Variants in NT5DC3 observed in about 807,000 individuals in gnomAD.
NT5DC3 encodes the protein 5'-nucleotidase domain-containing protein 3.
In NT5DC3, 42 loss-of-function variants were observed where a neutral mutation model predicts 67.8. That is an observed-to-expected ratio of 0.62 (90% CI 0.48 to 0.80). NT5DC3 has a LOEUF of 0.80. NT5DC3 is among the 30% of genes least tolerant of loss of function. The probability of loss-of-function intolerance (pLI) is 0.00; values close to 1 mark genes in which losing one functional copy is unlikely to be tolerated. For missense variants in NT5DC3, 570 were observed against 696.4 expected (o/e 0.82, Z 2.04); for synonymous variants, 237 against 255.6 (o/e 0.93, Z 0.69).
the NT5DC3 span, chr12:103,762,153 C>A: frequency 7.3e-7 from 1 of 1,361,968 alleles, no homozygotes; most frequent in Non-Finnish European, 1.0e-6. Flanking sequence ...GGGCCAGATA[C>A]ATGTTAACAT....
the NT5DC3 span, chr12:103,749,048 C>G: frequency 1.9e-6 from 3 of 1,613,972 alleles, no homozygotes; most frequent in Admixed American, 1.7e-5. Context: ...CCTGCAGCTG[C>G]CAGAAGGGAT....
rs1046749213 is a variant in NT5DC3, at chr12:103,773,589, A to G, written c.*4240T>C. ...CTGGTACAAAAGAAAGTCGATATTA[A>G]GAAGGCAAAATGTAGGTTCTCTATT... On this transcript the variant is annotated 3_prime_UTR_variant, in exon 14 of 14. Transcript: ENST00000392876. 1 of 152,270 alleles carries G rather than the reference A, an allele frequency of 6.6e-6. No individual in the cohort carries two copies. Among genetic ancestry groups the G allele is most frequent in the Non-Finnish European group, 1.5e-5 (1 of 68,052 alleles). 9.4% of individuals were successfully genotyped at this position (152,270 alleles called of 1,614,324 possible).
At chr12:103,790,840 C>T (rs577016636) in intron 9 of NT5DC3, among the ~76,000 whole-genome samples, 1 of 151,772 alleles carries the variant, frequency 6.6e-6, no homozygotes, top group East Asian at 2.0e-4. Flanking sequence ...CAAGCGCCCA[C>T]CACCATGCCG....
the NT5DC3 span, chr12:103,758,093 C>A: frequency 6.3e-7 from 1 of 1,593,068 alleles, no homozygotes; most frequent in African/African-American, 1.3e-5. Context: ...ATGGGTGATG[C>A]CCTGGGACCT....
chr12:103,785,679 G>A (rs775710807), intron 11 of NT5DC3: 4 of 595,980 alleles, frequency 6.7e-6, no homozygotes, highest in South Asian at 3.0e-5. Context: ...GAAAGTTTCA[G>A]TTCTGGAAAT....
intron 10 of NT5DC3, among the ~76,000 whole-genome samples, chr12:103,788,044 G>GT (rs1196964515): frequency 6.6e-6 from 1 of 152,118 alleles, no homozygotes; most frequent in Non-Finnish European, 1.5e-5. Flanking sequence ...CACCAAGAAT[G>GT]TATTCATATT....
intron 4 of NT5DC3, 62 bp downstream of exon 4, chr12:103,806,260 T>G: frequency 1.0e-6 from 1 of 989,090 alleles, no homozygotes; most frequent in South Asian, 1.3e-5. Flanking sequence ...AGTCAGAGGG[T>G]CCTGAAACCC....
At chr12:103,746,504 G>T in the NT5DC3 span, 1 of 1,163,408 alleles carries the variant, frequency 8.6e-7, no homozygotes, top group South Asian at 1.3e-5. Flanking sequence ...TGAACACAGT[G>T]GTCGTCCAGA....
intron 9 of NT5DC3, among the ~76,000 whole-genome samples, chr12:103,789,950 ATCTT>A (rs1216003491): frequency 6.6e-6 from 1 of 152,212 alleles, no homozygotes; most frequent in Non-Finnish European, 1.5e-5. Context: ...TATGAAATTT[ATCTT>A]TCTTTCATGA....
chr12:103,808,145 T>C (rs909956004), intron 2 of NT5DC3, among the ~76,000 whole-genome samples: 3 of 152,170 alleles, frequency 2.0e-5, no homozygotes, highest in Non-Finnish European at 4.4e-5. Flanking sequence ...AGCTACCCTG[T>C]GGATGGCACT....
chr12:103,833,393 T>C (rs1888011753), intron 1 of NT5DC3, among the ~76,000 whole-genome samples: 1 of 152,218 alleles, frequency 6.6e-6, no homozygotes, highest in South Asian at 2.1e-4. Context: ...TTTAACCCAA[T>C]GCAGTTGCTT....
chr12:103,822,332 A>C (rs1008527369), intron 1 of NT5DC3, among the ~76,000 whole-genome samples: 26 of 152,230 alleles, frequency 1.7e-4, no homozygotes, highest in African/African-American at 6.0e-4. Context: ...TTGAAAAGAC[A>C]AACAGCAATG....
chr12:103,812,251 C>T (rs1469746071), intron 2 of NT5DC3, among the ~76,000 whole-genome samples: 1 of 152,176 alleles, frequency 6.6e-6, no homozygotes, highest in African/African-American at 2.4e-5. Flanking sequence ...CTTTCCATTT[C>T]TACAACTACA....
At chr12:103,824,374 A>G (rs570611345) in intron 1 of NT5DC3, among the ~76,000 whole-genome samples, 3 of 152,360 alleles carry the variant, frequency 2.0e-5, no homozygotes, top group South Asian at 2.1e-4. Context: ...AAAATGCCCA[A>G]GGTATCCTTT....
intron 1 of NT5DC3, among the ~76,000 whole-genome samples, chr12:103,822,795 T>C (rs1887544855): frequency 1.3e-5 from 2 of 152,226 alleles, no homozygotes; most frequent in South Asian, 4.1e-4. Context: ...AAAATATTCA[T>C]ACCCTTTGAC....
At chr12:103,818,381 CT>C (rs775516672) in intron 1 of NT5DC3, among the ~76,000 whole-genome samples, 719 of 142,162 alleles carry the variant, frequency 5.1e-3, no homozygotes, top group Non-Finnish European at 5.3e-3. Context: ...CGACCATGGC[CT>C]TTTTTTTTTT....
chr12:103,833,854 T>C (rs1888035093), intron 1 of NT5DC3, among the ~76,000 whole-genome samples: 1 of 152,138 alleles, frequency 6.6e-6, no homozygotes, highest in Non-Finnish European at 1.5e-5. Context: ...AGGCCAGAGC[T>C]TGAGTTCAAA....
At chr12:103,828,696 C>CTTTTTTTTTTTTTTTTTTTTTTTTTTT (rs376961953) in intron 1 of NT5DC3, among the ~76,000 whole-genome samples, 1 of 136,352 alleles carries the variant, frequency 7.3e-6, no homozygotes. Context: ...TTTTTTCTTT[C>CTTTTTTTTTTTTTTTTTTTTTTTTTTT]TTTTTATTTT....
intron 4 of NT5DC3, among the ~76,000 whole-genome samples, chr12:103,804,490 T>C (rs1427869352): frequency 2.0e-5 from 3 of 151,724 alleles, no homozygotes; most frequent in South Asian, 2.1e-4. Context: ...ACAGGGAAAG[T>C]AGCAAAGGGA....
Sources: gnomAD v4.1 joint callset for allele counts (sites outside exome capture counted in the v4.1 genomes callset) on GRCh38, gnomAD v4.1.1 for gene constraint, MANE v1.5 for transcripts, NCBI Gene and HGNC (gene_info 2026-07-23, HGNC 2026-07-21) for gene names.